RAB11FIP3: variants seen among roughly 807,000 people sequenced by gnomAD.
RAB11FIP3 encodes the protein RAB11 family interacting protein 3.
RAB11FIP3 carries 17 observed loss-of-function variants against 77.8 expected under a neutral mutation model. The ratio of observed to expected loss-of-function variants is 0.22; its 90% CI spans 0.15 to 0.33. RAB11FIP3 has a LOEUF of 0.33. Ranked by LOEUF, RAB11FIP3 falls within the 10% of genes least tolerant of loss-of-function variation. RAB11FIP3 has a pLI of 1.00. For missense variants in RAB11FIP3, 1,005 were observed against 1,011.2 expected (o/e 0.99, Z 0.08); for synonymous variants, 437 against 448.2 (o/e 0.98, Z 0.31).
chr16:454,066 A>G (rs572589061), intron 1 of RAB11FIP3, among the ~76,000 whole-genome samples: 1 of 152,294 alleles, frequency 6.6e-6, no homozygotes, highest in South Asian at 2.1e-4. Context: ...GATGTACTCA[A>G]ATGCCTTCAT....
chr16:426,284 G>C lies in RAB11FIP3; in HGVS notation c.278G>C (p.Arg93Pro). ...RDPGPSAPPP[R>P]SGPRGQLASP... ...CCCGGGCCGTCCGCCCCGCCGCCGCGCTCCGGCCCGCGGGGGCAGCTTGCG... is the reference window on the plus strand; with the variant it reads ...CCCGGGCCGTCCGCCCCGCCGCCGCCCTCCGGCCCGCGGGGGCAGCTTGCG... The change falls in exon 1 of 14, where the codon CGC becomes CCC. Residue 93 changes from arginine (R) to proline (P), a missense_variant. Arg to Pro is a moderately radical substitution (Grantham distance 103). Coordinates refer to ENST00000262305, the MANE Select transcript of RAB11FIP3 (RefSeq NM_014700.4). This position sits in a 1 kb window ranked among gnomAD's most constrained non-coding sequence, Gnocchi z 5.0. 8.1e-7 allele frequency: 1 copy of C among 1,235,792 alleles called. No individual in the cohort carries two copies. The allele number at this position is 1,235,792 out of a possible 1,614,324, so 76.6% of individuals were successfully genotyped here.
At chr16:466,180 C>T (rs1389118353) in intron 2 of RAB11FIP3, among the ~76,000 whole-genome samples, 1 of 152,168 alleles carries the variant, frequency 6.6e-6, no homozygotes, top group African/African-American at 2.4e-5. Context: ...TGAGGGCAGC[C>T]TGCAGGAGAT....
At chr16:476,145 G>A (rs576746450) in intron 3 of RAB11FIP3, among the ~76,000 whole-genome samples, 13 of 152,224 alleles carry the variant, frequency 8.5e-5, no homozygotes, top group Non-Finnish European at 1.9e-4. Flanking sequence ...GAGCCACTGC[G>A]TCTGGCCCTC....
At chr16:517,910 G>A (rs561127935) in intron 9 of RAB11FIP3, among the ~76,000 whole-genome samples, 2 of 152,144 alleles carry the variant, frequency 1.3e-5, no homozygotes, top group African/African-American at 4.8e-5. Context: ...GTGAAACCCC[G>A]TCTCTACTAA....
At chr16:497,402 A>G (rs1252794108) in intron 6 of RAB11FIP3, 1 of 1,279,682 alleles carries the variant, frequency 7.8e-7, no homozygotes, top group Non-Finnish European at 1.0e-6. Context: ...GGCCCTTCCC[A>G]GGGAGCCACT....
Position 520,548 on chromosome 16 carries a change from A to G in RAB11FIP3, c.2106A>G (p.Thr702=), listed in dbSNP as rs147082857. The G allele has an allele frequency of 1.0e-4, 161 of 1,613,680 alleles. No homozygotes were observed. In the African/African-American group the frequency reaches 2.0e-3, roughly 20 times the overall value. The change falls in exon 13 of 14, where the codon ACA becomes ACG. Residue 702 remains threonine (T), a synonymous_variant. Coordinates refer to ENST00000262305, the MANE Select transcript of RAB11FIP3 (RefSeq NM_014700.4). ...SIQGAKSLFS[T]AFSESLAAEI... ...AGGGCGCCAAGAGCCTCTTCTCCAC[A>G]GCCTTCTCTGAGTCCCTGGCTGCAG...
At chr16:491,193 A>G in intron 5 of RAB11FIP3, 2 of 1,304,638 alleles carry the variant, frequency 1.5e-6, no homozygotes, top group Non-Finnish European at 2.0e-6. Flanking sequence ...TTTGAGTTTT[A>G]CTGTAGCCAG....
chr16:492,437 C>A (rs865941057), intron 5 of RAB11FIP3, among the ~76,000 whole-genome samples: 18 of 142,564 alleles, frequency 1.3e-4, no homozygotes, highest in African/African-American at 4.6e-4. Flanking sequence ...CCGGGAGACC[C>A]GAGGCCGCCC....
chr16:484,418 C>G (rs1361231924), intron 4 of RAB11FIP3, among the ~76,000 whole-genome samples: 1 of 151,994 alleles, frequency 6.6e-6, no homozygotes, highest in East Asian at 1.9e-4. Flanking sequence ...GTGGTGCGAT[C>G]TCAGCTCACT....
At chr16:449,906 G>A (rs953342141) in intron 1 of RAB11FIP3, among the ~76,000 whole-genome samples, 6 of 151,228 alleles carry the variant, frequency 4.0e-5, no homozygotes, top group African/African-American at 1.2e-4. Context: ...AGCCAAGGTC[G>A]TGCCACTGCA....
intron 2 of RAB11FIP3, among the ~76,000 whole-genome samples, chr16:469,952 G>A (rs1241190995): frequency 2.0e-5 from 3 of 152,166 alleles, no homozygotes; most frequent in Non-Finnish European, 4.4e-5. Flanking sequence ...TAAGACTACA[G>A]GTGTGTCCCA....
chr16:517,795 G>A (rs1431902900), intron 9 of RAB11FIP3, among the ~76,000 whole-genome samples: 2 of 151,666 alleles, frequency 1.3e-5, no homozygotes, highest in Non-Finnish European at 2.9e-5. Context: ...TTTGATACAG[G>A]ATCTTGGCCG....
Position 426,564 on chromosome 16 carries a change from C to T in RAB11FIP3, c.558C>T (p.Asp186=), listed in dbSNP as rs1295629291. ...QGPGSPPQPS[D]LSQTHPLPSE... ...CCGGGTCCCCGCCGCAGCCCTCGGA[C>T]CTCAGCCAGACCCACCCCCTTCCGA... Residue 186 remains aspartate, a synonymous_variant, in exon 1 of 14, where the codon GAC becomes GAT. Coordinates refer to ENST00000262305, the MANE Select transcript of RAB11FIP3 (RefSeq NM_014700.4). This position sits in a 1 kb window ranked among gnomAD's most constrained non-coding sequence, Gnocchi z 5.0. 6.3e-7 allele frequency: 1 copy of T among 1,591,882 alleles called. No individual in the cohort carries two copies. Among genetic ancestry groups the T allele is most frequent in the East Asian group, 2.3e-5 (1 of 43,426 alleles).
chr16:457,481 G>A (rs2055522684), intron 1 of RAB11FIP3, among the ~76,000 whole-genome samples: 1 of 151,624 alleles, frequency 6.6e-6, no homozygotes, highest in Non-Finnish European at 1.5e-5. Flanking sequence ...TGCAGGGAAG[G>A]GCAGGCTGTC....
chr16:499,795 C>CAAAAAAAAAAAAAAAA (rs11319631), intron 6 of RAB11FIP3, among the ~76,000 whole-genome samples: 1 of 53,966 alleles, frequency 1.9e-5, no homozygotes, highest in Non-Finnish European at 4.0e-5. Context: ...AAGACTGTCT[C>CAAAAAAAAAAAAAAAA]AAAAAAAAAA....
chr16:519,239 G>A lies in RAB11FIP3; in HGVS notation c.1722+215G>A, dbSNP rs147738562. 4,117 of 569,672 alleles carry A rather than the reference G, an allele frequency of 7.2e-3. 32 individuals carry two copies. Among genetic ancestry groups the A allele is most frequent in the Admixed American group, 9.1e-3 (283 of 30,948 alleles). The allele number at this position is 569,672 out of a possible 1,614,324, so 35.3% of individuals were successfully genotyped here. A position where few individuals can be genotyped will look rare whatever the true frequency, so the allele number is the denominator to read the frequency against. On this transcript the variant is annotated intron_variant, in intron 10 of 13. Coordinates refer to ENST00000262305, the MANE Select transcript of RAB11FIP3 (RefSeq NM_014700.4). ...AGGCTCACTCCTAGATGGACCCAGG[G>A]CTCTGAATCTGGGAATTGTCCTCCA...
At chr16:508,333 G>A (rs750074226) in intron 8 of RAB11FIP3, among the ~76,000 whole-genome samples, 4 of 152,126 alleles carry the variant, frequency 2.6e-5, no homozygotes, top group South Asian at 2.1e-4. Context: ...ATTATTTGCC[G>A]TGCTGTGCAC....
chr16:432,555 T>G (rs1050181098), intron 1 of RAB11FIP3, among the ~76,000 whole-genome samples: 1 of 151,800 alleles, frequency 6.6e-6, no homozygotes, highest in African/African-American at 2.4e-5. Flanking sequence ...ATAATTTGCA[T>G]GCATGTTGCT....
intron 2 of RAB11FIP3, among the ~76,000 whole-genome samples, chr16:470,522 T>C (rs1367224444): frequency 6.6e-6 from 1 of 152,256 alleles, no homozygotes; most frequent in Non-Finnish European, 1.5e-5. Context: ...AGCTGGTCTA[T>C]TTTAGGCAAG....
Sources: gnomAD v4.1 joint callset for allele counts (sites outside exome capture counted in the v4.1 genomes callset) on GRCh38, gnomAD v4.1.1 for gene constraint, Gnocchi (gnomAD v3.1) non-coding constraint, MANE v1.5 for transcripts, NCBI Gene and HGNC (gene_info 2026-07-23, HGNC 2026-07-21) for gene names.